The following AHI1 variants were observed in gnomAD, a reference collection of about 807,000 sequenced individuals.
AHI1 encodes Abelson helper integration site 1.
A neutral mutation model predicts 149.3 loss-of-function variants in AHI1; 123 were observed. The observed-to-expected ratio is 0.82, with a 90% CI of 0.71 to 0.96. The LOEUF (loss-of-function observed/expected upper bound fraction) is 0.96. AHI1 is among the 40% of genes least tolerant of loss of function. AHI1 has a pLI of 0.00. For synonymous variants in AHI1, 475 were observed against 459.8 expected, an observed-to-expected ratio of 1.03 and a Z score of -0.42; for missense variants, 1,439 against 1,422.7, an observed-to-expected ratio of 1.01 and a Z score of -0.18.
At position 135,317,339 on chromosome 6, in the gene AHI1, C is replaced by G. The variant is rs181205825; in HGVS notation, c.3426+1180G>C. Among the ~76,000 whole-genome samples the G allele has an allele frequency of 6.6e-5, 10 of 151,608 alleles. No individual in the cohort carries two copies. The East Asian group carries it at 1.9e-3, about 29-fold the overall frequency. On this transcript the variant is annotated intron_variant, in intron 26 of 28. Transcript: ENST00000265602. ...TCTGTGGCCTGGTTCCTGGATTTCT[C>G]CTGTACTTCTCTCTATTAGAACTTA...
chr6:135,422,630 T>TGG (rs1430285428), intron 20 of AHI1, among the ~76,000 whole-genome samples: 1 of 150,780 alleles, frequency 6.6e-6, no homozygotes, highest in African/African-American at 2.5e-5. Flanking sequence ...TATGTATGTA[T>TGG]GTATGTATGT....
At position 135,294,323 on chromosome 6, in the gene AHI1, C is replaced by CACAAAACAAAACAAA. The variant is rs1562446682; in HGVS notation, c.3486-3799_3486-3798insTTTGTTTTGTTTTGT. On this transcript the variant is annotated intron_variant, in intron 27 of 28. Coordinates refer to ENST00000265602, the MANE Select transcript of AHI1 (RefSeq NM_001134831.2). Reference sequence around the variant, plus strand: ...CCCGGGTGACAGTGCAAGACTCCATCTCAAAACAAAACAAAACAAAACAAA... The same window carrying CACAAAACAAAACAAA: ...CCCGGGTGACAGTGCAAGACTCCATCACAAAACAAAACAAATCAAAACAAAACAAAACAAAACAAA... 3.3e-3 allele frequency among the ~76,000 whole-genome samples: 473 copies of CACAAAACAAAACAAA among 142,566 alleles called. 5 individuals are homozygous for CACAAAACAAAACAAA. The highest frequency in any genetic ancestry group is 0.012 in the African/African-American group (444 of 38,088). 93.5% of individuals were successfully genotyped at this position (142,566 alleles called of 152,430 possible). A position where few individuals can be genotyped will look rare whatever the true frequency, so the allele number is the denominator to read the frequency against.
chr6:135,458,271 GTGAGC>G (rs1279584811), intron 8 of AHI1, among the ~76,000 whole-genome samples: 4 of 152,230 alleles, frequency 2.6e-5, no homozygotes, highest in Admixed American at 2.0e-4. Flanking sequence ...GATTCAGGGT[GTGAGC>G]TGAAGATGAG....
chr6:135,384,050 C>G (rs956598549), intron 23 of AHI1, among the ~76,000 whole-genome samples: 1 of 152,174 alleles, frequency 6.6e-6, no homozygotes. Context: ...GATAAAGTAG[C>G]TGAAACCTTT....
intron 23 of AHI1, among the ~76,000 whole-genome samples, chr6:135,394,046 T>G (rs1274799840): frequency 2.6e-5 from 4 of 152,106 alleles, no homozygotes; most frequent in Non-Finnish European, 5.9e-5. Flanking sequence ...TAAATTATGC[T>G]GATCTTCTCA....
chr6:135,423,020 C>G (rs1783432673), intron 20 of AHI1, among the ~76,000 whole-genome samples: 1 of 152,094 alleles, frequency 6.6e-6, no homozygotes, highest in South Asian at 2.1e-4. Flanking sequence ...TCAGCTTAGA[C>G]AAAATGGTGG....
At chr6:135,303,939 ACT>A (rs1331786531) in intron 26 of AHI1, among the ~76,000 whole-genome samples, 7 of 152,176 alleles carry the variant, frequency 4.6e-5, no homozygotes, top group South Asian at 2.1e-4. Flanking sequence ...TATTGCTACA[ACT>A]CTGTTTCCGG....
At chr6:135,442,420 A>G (rs568008594) in intron 14 of AHI1, among the ~76,000 whole-genome samples, 162 bp downstream of exon 14, 46 of 152,148 alleles carry the variant, frequency 3.0e-4, no homozygotes, top group Non-Finnish European at 4.9e-4. Flanking sequence ...AGAAAAGTGT[A>G]AAATTATTAC....
At chr6:135,478,511 A>G (rs1260681134) in intron 5 of AHI1, among the ~76,000 whole-genome samples, 2 of 152,202 alleles carry the variant, frequency 1.3e-5, no homozygotes, top group African/African-American at 4.8e-5. Context: ...TCTAAGCAGC[A>G]AAGTGTTCAG....
Position 135,345,100 on chromosome 6 carries a change from C to T in AHI1, c.3165+13032G>A, listed in dbSNP as rs374870365. Among the ~76,000 whole-genome samples, 90 of 152,250 alleles carry T rather than the reference C, an allele frequency of 5.9e-4. No individual in the cohort carries two copies. In the East Asian group the frequency reaches 0.012, roughly 21 times the overall value. On this transcript the variant is annotated intron_variant, in intron 24 of 28. Transcript: ENST00000265602. ...TCATTTCAGAAGATGCTCACATTAT[C>T]GTCACTGGGAAATGCAAATGAAAAT...
chr6:135,453,297 T>C, intron 11 of AHI1, 44 bp downstream of exon 11: 1 of 1,443,458 alleles, frequency 6.9e-7, no homozygotes, highest in Non-Finnish European at 9.5e-7. Flanking sequence ...CCAACTAAAT[T>C]TGAAGACTAG....
chr6:135,427,885 C>T (rs979236498), intron 19 of AHI1, among the ~76,000 whole-genome samples: 3 of 150,936 alleles, frequency 2.0e-5, no homozygotes, highest in African/African-American at 7.3e-5. Flanking sequence ...TTATTGAAGG[C>T]GAGACTTGTT....
At chr6:135,357,204 T>C (rs751558410) in intron 24 of AHI1, among the ~76,000 whole-genome samples, 2 of 152,252 alleles carry the variant, frequency 1.3e-5, no homozygotes, top group Admixed American at 6.5e-5. Context: ...CCCAAAGTGC[T>C]GGGATTACAG....
chr6:135,416,068 C>G (rs1231491183), intron 20 of AHI1, among the ~76,000 whole-genome samples: 1 of 152,046 alleles, frequency 6.6e-6, no homozygotes, highest in East Asian at 1.9e-4. Flanking sequence ...AGGCAATAGT[C>G]TCCCAGGTTT....
intron 23 of AHI1, among the ~76,000 whole-genome samples, chr6:135,364,099 G>A (rs1255305508): frequency 6.6e-6 from 1 of 151,686 alleles, no homozygotes; most frequent in Non-Finnish European, 1.5e-5. Flanking sequence ...CCCGGACGAG[G>A]TGGCTGCCGG....
At chr6:135,379,840 C>T (rs1476810017) in intron 23 of AHI1, among the ~76,000 whole-genome samples, 3 of 151,984 alleles carry the variant, frequency 2.0e-5, no homozygotes, top group Admixed American at 2.0e-4. Context: ...TGCTATTCTC[C>T]CAAACAACTT....
At chr6:135,290,913 A>AACACACACACAC (rs574033007) in intron 27 of AHI1, among the ~76,000 whole-genome samples, 6,557 of 146,186 alleles carry the variant, frequency 0.045, 419 homozygotes, top group African/African-American at 0.14. Flanking sequence ...AACACACACA[A>AACACACACACAC]ACACACACAC....
chr6:135,426,121 G>T (rs1245891477), intron 20 of AHI1, among the ~76,000 whole-genome samples: 6 of 151,704 alleles, frequency 4.0e-5, no homozygotes, highest in African/African-American at 1.2e-4. Context: ...ACCAGATTTG[G>T]ACATTGAATG....
At chr6:135,399,743 T>C (rs1262763951) in intron 22 of AHI1, among the ~76,000 whole-genome samples, 1 of 151,784 alleles carries the variant, frequency 6.6e-6, no homozygotes, top group Non-Finnish European at 1.5e-5. Context: ...CACTGTTTAC[T>C]TTCTTAGGGA....
Sources: allele counts gnomAD v4.1 joint callset (sites outside exome capture counted in the v4.1 genomes callset), GRCh38; gene constraint gnomAD v4.1.1; transcripts MANE v1.5; gene names NCBI Gene and HGNC (gene_info 2026-07-23, HGNC 2026-07-21).